STK3: variants seen among roughly 807,000 people sequenced by gnomAD.
STK3 encodes serine/threonine-protein kinase 3.
STK3 carries 41 observed loss-of-function variants against 58.0 expected under a neutral mutation model. That is an observed-to-expected ratio of 0.71 (90% CI 0.55 to 0.92). The LOEUF (loss-of-function observed/expected upper bound fraction) is 0.92. Among genes scored for constraint, STK3 ranks in the 40% least tolerant of loss-of-function variants. The pLI is 0.00. For synonymous variants in STK3, 170 were observed against 191.0 expected (o/e 0.89, Z 0.91); for missense variants, 479 against 602.7 (o/e 0.79, Z 2.15).
At chr8:98,608,897 T>TAAA (rs1816965007) in intron 6 of STK3, among the ~76,000 whole-genome samples, 1 of 152,258 alleles carries the variant, frequency 6.6e-6, no homozygotes, top group South Asian at 2.1e-4. Context: ...GAACATCTGA[T>TAAA]TACTTGAGGG....
At chr8:98,625,673 T>G (rs1030348211) in intron 6 of STK3, among the ~76,000 whole-genome samples, 1 of 152,150 alleles carries the variant, frequency 6.6e-6, no homozygotes, top group Admixed American at 6.5e-5. Context: ...GCTTAAAAAT[T>G]GAAACGAATC....
the STK3 span, among the ~76,000 whole-genome samples, chr8:98,357,441 A>G: frequency 0.11 from 16,885 of 152,140 alleles, 1,086 homozygotes; most frequent in East Asian, 0.19. Context: ...ACAGAATGGT[A>G]CTCCCAGAAG....
chr8:98,810,911 C>G (rs1424635849), intron 1 of STK3, among the ~76,000 whole-genome samples: 1 of 152,136 alleles, frequency 6.6e-6, no homozygotes, highest in African/African-American at 2.4e-5. Flanking sequence ...CTCCTCTTCT[C>G]TCTTGGTCCC....
chr8:98,905,185 A>G (rs554656409), intron 1 of STK3: 6 of 1,068,372 alleles, frequency 5.6e-6, no homozygotes, highest in Non-Finnish European at 8.7e-6. Context: ...TAGCAGCCAC[A>G]CTGGTCTCCC....
At chr8:98,579,540 G>T in intron 8 of STK3, 124 bp downstream of exon 8, 1 of 1,193,474 alleles carries the variant, frequency 8.4e-7, no homozygotes, top group Non-Finnish European at 1.2e-6. Context: ...TATATTTTGA[G>T]ATTCAATGAA....
chr8:98,400,129 T>G (rs1817928809), downstream of STK3, among the ~76,000 whole-genome samples: 1 of 152,080 alleles, frequency 6.6e-6, no homozygotes, highest in South Asian at 2.1e-4. Context: ...CAGGTCTGAC[T>G]GTAGAGATGC....
At chr8:98,798,160 T>C (rs1833299926) in intron 1 of STK3, among the ~76,000 whole-genome samples, 1 of 152,128 alleles carries the variant, frequency 6.6e-6, no homozygotes, top group Non-Finnish European at 1.5e-5. Context: ...AAACAAGTAA[T>C]CTAATGGCTA....
chr8:98,653,805 GAAC>G (rs898612469), intron 6 of STK3, among the ~76,000 whole-genome samples: 10 of 152,240 alleles, frequency 6.6e-5, no homozygotes, highest in Admixed American at 1.3e-4. Flanking sequence ...TCTCTGAATA[GAAC>G]AATAACAGGC....
At chr8:98,482,655 C>A (rs1821939965) in intron 10 of STK3, among the ~76,000 whole-genome samples, 1 of 152,006 alleles carries the variant, frequency 6.6e-6, no homozygotes, top group Admixed American at 6.6e-5. Context: ...TGGTGCCTAA[C>A]TCTCCACATA....
At chr8:98,686,349 T>G (rs1823997647) in intron 6 of STK3, among the ~76,000 whole-genome samples, 1 of 152,172 alleles carries the variant, frequency 6.6e-6, no homozygotes, top group Non-Finnish European at 1.5e-5. Flanking sequence ...AAAGCCAAAT[T>G]TATTGCCTTT....
At chr8:98,387,213 C>T (rs1479070123) in intron 1 of STK3, among the ~76,000 whole-genome samples, 4 of 151,966 alleles carry the variant, frequency 2.6e-5, no homozygotes, top group African/African-American at 9.7e-5. Flanking sequence ...GCGGTTTTTT[C>T]AGTTACATTG....
At chr8:98,729,455 T>G (rs962672701) in intron 4 of STK3, among the ~76,000 whole-genome samples, 1 of 152,120 alleles carries the variant, frequency 6.6e-6, no homozygotes, top group Non-Finnish European at 1.5e-5. Context: ...TACCTAAAAA[T>G]GTGAGGTCTA....
intron 6 of STK3, among the ~76,000 whole-genome samples, chr8:98,673,054 G>A (rs902173253): frequency 6.6e-6 from 1 of 152,126 alleles, no homozygotes; most frequent in African/African-American, 2.4e-5. Flanking sequence ...GAAAGATAAT[G>A]TCTATATTTA....
intron 6 of STK3, chr8:98,633,674 T>C (rs1009139086): frequency 1.4e-6 from 1 of 701,138 alleles, no homozygotes; most frequent in South Asian, 1.5e-5. Context: ...AGAAACTCTT[T>C]ATGTACAAGG....
At chr8:98,633,901 T>A in intron 6 of STK3, 1 of 316,126 alleles carries the variant, frequency 3.2e-6, no homozygotes, top group Non-Finnish European at 6.3e-6. Flanking sequence ...ACCTGGTAAG[T>A]TGTCAAGGGT....
At chr8:98,813,323 C>T (rs1024743645) in intron 1 of STK3, among the ~76,000 whole-genome samples, 1 of 152,188 alleles carries the variant, frequency 6.6e-6, no homozygotes, top group African/African-American at 2.4e-5. Context: ...AATTGCTTCA[C>T]TTTCTATCAT....
chr8:98,794,448 A>T (rs1472465293), intron 1 of STK3, among the ~76,000 whole-genome samples: 2 of 152,188 alleles, frequency 1.3e-5, no homozygotes, highest in African/African-American at 4.8e-5. Flanking sequence ...GGAAACCCAC[A>T]ATCTCCCAAG....
intron 6 of STK3, among the ~76,000 whole-genome samples, chr8:98,619,958 A>G (rs1262598501): frequency 3.5e-5 from 3 of 84,764 alleles, no homozygotes; most frequent in African/African-American, 1.5e-4. Flanking sequence ...CAGCCATCCC[A>G]TTACTGGGTA....
rs565638805 is a variant in STK3 at position 98,496,127 on chromosome 8, TC to T, written c.1317+30614del. On this transcript the variant is annotated intron_variant, in intron 10 of 10. Coordinates refer to ENST00000419617, the MANE Select transcript of STK3 (RefSeq NM_006281.4). ...ATGAAAGCAGAGTTTATGCCTTTTA[TC>T]TCTATCTTGCCAACATGGAGCACAG... Among the ~76,000 whole-genome samples, 23 of 152,292 alleles carry T rather than the reference TC, an allele frequency of 1.5e-4. No individual in the cohort carries two copies. The South Asian group carries it at 4.8e-3, about 32-fold the overall frequency.
Sources: allele counts gnomAD v4.1 joint callset (sites outside exome capture counted in the v4.1 genomes callset), GRCh38; gene constraint gnomAD v4.1.1; transcripts MANE v1.5; gene names NCBI Gene and HGNC (gene_info 2026-07-23, HGNC 2026-07-21).